The following CBLN4 variants were observed in gnomAD, a reference collection of about 807,000 sequenced individuals.
The protein encoded by CBLN4 is cerebellin-4.
Under a neutral mutation model 14.9 loss-of-function variants are expected in CBLN4, and 7 were observed. That is an observed-to-expected ratio of 0.47 (90% CI 0.27 to 0.88). The LOEUF is 0.88. CBLN4 is among the 40% of genes least tolerant of loss of function. The pLI is 0.14. For missense variants in CBLN4, 188 were observed against 256.8 expected (o/e 0.73, Z 1.83); for synonymous variants, 131 against 116.5 (o/e 1.12, Z -0.80).
At chr20:56,002,520 G>A (rs1986391560) in intron 1 of CBLN4, among the ~76,000 whole-genome samples, 1 of 152,168 alleles carries the variant, frequency 6.6e-6, no homozygotes, top group Non-Finnish European at 1.5e-5. Flanking sequence ...CTGAAAAGAA[G>A]AACAAACCCT....
At chr20:55,998,855 A>G in intron 2 of CBLN4, 101 bp from the exon 3 acceptor site, 1 of 864,430 alleles carries the variant, frequency 1.2e-6, no homozygotes, top group Non-Finnish European at 1.8e-6. Context: ...CCAGTAAAAT[A>G]CCTGATGTTC....
Position 56,004,294 on chromosome 20 carries a change from G to C in CBLN4, c.-123C>G. On this transcript the variant is annotated 5_prime_UTR_variant, in exon 1 of 3. Transcript: ENST00000064571. This position sits in a 1 kb window ranked among gnomAD's most constrained non-coding sequence, Gnocchi z 6.1. ...AGGTCGACAGCGCTGCAGGAGCGAC[G>C]GCGGCGGCGGCGCGCACACTTCCAC... 1 of 946,688 alleles carries C rather than the reference G, an allele frequency of 1.1e-6. No individual in the cohort carries two copies. The highest frequency in any genetic ancestry group is 2.2e-5 in the South Asian group (1 of 45,414). The allele number at this position is 946,688 out of a possible 1,614,324, so 58.6% of individuals were successfully genotyped here. A position where few individuals can be genotyped will look rare whatever the true frequency, so the allele number is the denominator to read the frequency against.
chr20:56,000,821 G>A lies in CBLN4; in HGVS notation c.318C>T (p.Phe106=). ...GTGCTACAAAGACAGACTCCAATGT[G>A]AAAAAATTACCCACATTCACCAGGA... ...DQILVNVGNF[F]TLESVFVAPR... The change falls in exon 2 of 3, where the codon TTC becomes TTT. Residue 106 remains phenylalanine (F), a synonymous_variant. Coordinates refer to ENST00000064571, the MANE Select transcript of CBLN4 (RefSeq NM_080617.6). 6.3e-7 allele frequency: 1 copy of A among 1,580,618 alleles called. No individual in the cohort carries two copies. The highest frequency in any genetic ancestry group is 1.2e-5 in the South Asian group (1 of 84,184).
Position 56,004,144 on chromosome 20 carries a change from C to G in CBLN4, c.28G>C (p.Ala10Pro). Residue 10 changes from alanine to proline, a missense_variant, in exon 1 of 3, where the codon GCG (alanine) becomes CCG (proline). Physicochemically the swap from Ala to Pro is conservative, Grantham distance 27 (BLOSUM62 -1). This residue lies in a region of CBLN4 where 95 missense variants were observed against 99.2 expected (regional missense o/e 0.96). Transcript: ENST00000064571. The surrounding 1 kb of genome is among the most constrained non-coding windows in gnomAD (Gnocchi z 6.1). ...AGGACCAGCAGCACGGCCGGCACCG[C>G]GGACAGCGCCCGGCGCCCGGAGCCC... MGSGRRALS[A>P]VPAVLLVLTL... 1 of 1,562,262 alleles carries G rather than the reference C, an allele frequency of 6.4e-7. No individual in the cohort carries two copies. Among genetic ancestry groups the G allele is most frequent in the Non-Finnish European group, 8.6e-7 (1 of 1,158,402 alleles).
rs559509698 is a variant in CBLN4 at position 55,997,361 on chromosome 20, G to T, written c.*1196C>A. On this transcript the variant is annotated 3_prime_UTR_variant, in exon 3 of 3. Coordinates refer to ENST00000064571, the MANE Select transcript of CBLN4 (RefSeq NM_080617.6). ...AAAAGGAGCAAAGAAGGAAGAAAGG[G>T]TTAAGAAGAGACAAAGTAAGAGGAA... 6.6e-5 allele frequency: 10 copies of T among 152,384 alleles called. No individual in the cohort carries two copies. In the South Asian group the frequency reaches 2.1e-3, roughly 32 times the overall value. 9.4% of individuals were successfully genotyped at this position (152,384 alleles called of 1,614,324 possible).
Position 56,000,719 on chromosome 20 carries a change from C to T in CBLN4, c.408+12G>A. 6.9e-7 allele frequency: 1 copy of T among 1,458,720 alleles called. No individual in the cohort carries two copies. The highest frequency in any genetic ancestry group is 9.4e-7 in the Non-Finnish European group (1 of 1,069,044). The allele number at this position is 1,458,720 out of a possible 1,614,324, so 90.4% of individuals were successfully genotyped here. On this transcript the variant is annotated intron_variant, in intron 2 of 2. Coordinates refer to ENST00000064571, the MANE Select transcript of CBLN4 (RefSeq NM_080617.6). ...GGTTGAGAGTATGGATGGAAGAGGT[C>T]AAAACACACACCTGGATAGTTTGGC...
In CBLN4 at chr20:55,998,516, G is replaced by C; in HGVS notation, c.*41C>G. On this transcript the variant is annotated 3_prime_UTR_variant, in exon 3 of 3. Transcript: ENST00000064571. ...TGATCTTCCAATAACTCAGGAGTGG[G>C]TCATCCCTCACCTGGATGAACATCA... is the stretch of plus-strand genomic sequence containing the variant. 2.5e-6 allele frequency: 4 copies of C among 1,605,774 alleles called. No individual in the cohort carries two copies. Among genetic ancestry groups the C allele is most frequent in the Non-Finnish European group, 2.6e-6 (3 of 1,172,748 alleles).
rs1986356189 is a variant in CBLN4, at chr20:56,000,860, A to G, written c.292-13T>C. On this transcript the variant is annotated splice_polypyrimidine_tract_variant and intron_variant, in intron 1 of 2. Transcript: ENST00000064571. ...CATTCACCAGGATCTACAAATAAAA[A>G]TAATAAATAACAATAAGTTATTATA... 3 of 1,363,520 alleles carry G rather than the reference A, an allele frequency of 2.2e-6. No homozygotes were observed. The highest frequency in any genetic ancestry group is 3.0e-5 in the African/African-American group (2 of 67,234). 84.5% of individuals were successfully genotyped at this position (1,363,520 alleles called of 1,614,324 possible).
At position 56,004,020 on chromosome 20, in the gene CBLN4, T is replaced by G; in HGVS notation, c.152A>C (p.Asp51Ala). 1 of 1,613,668 alleles carries G rather than the reference T, an allele frequency of 6.2e-7. No individual in the cohort carries two copies. ...LVVCDSNPAT[D>A]SKGSSSSPLG... ...CGGGGAGGAAGAGGAGCCCTTGGAG[T>G]CCGTGGCCGGGTTCGAGTCGCACAC... The change falls in exon 1 of 3, where the codon GAC becomes GCC. Residue 51 changes from aspartate to alanine, a missense_variant. Coordinates refer to ENST00000064571, the MANE Select transcript of CBLN4 (RefSeq NM_080617.6). This position sits in a 1 kb window ranked among gnomAD's most constrained non-coding sequence, Gnocchi z 6.1.
chr20:56,005,192 C>G lies in CBLN4; in HGVS notation c.-1021G>C, dbSNP rs1046569173. On this transcript the variant is annotated 5_prime_UTR_variant, in exon 1 of 3. Transcript: ENST00000064571. The stretch of plus-strand genomic sequence containing the variant: ...CGAGGCCCCTCAGCCCCTGAAAGCC[C>G]GTGGCGTAAAGGATGCGTGCCCAGA... 1 of 152,846 alleles carries G rather than the reference C, an allele frequency of 6.5e-6. No individual in the cohort carries two copies. Among genetic ancestry groups the G allele is most frequent in the Non-Finnish European group, 1.5e-5 (1 of 68,558 alleles). The allele number at this position is 152,846 out of a possible 1,614,324, so 9.5% of individuals were successfully genotyped here.
rs1452495394 is a variant in CBLN4, at chr20:55,998,610, C to T, written c.553G>A (p.Val185Ile). ...VYLKLEKGNL[V>I]GGWQYSTFSG... ...AACGTGGAATACTGCCAGCCTCCAA[C>T]CAAATTACCTTTCTCCAGTTTTAGG... The change falls in exon 3 of 3, where the codon GTT becomes ATT. Residue 185 changes from valine to isoleucine, a missense_variant. Coordinates refer to ENST00000064571, the MANE Select transcript of CBLN4 (RefSeq NM_080617.6). 1 of 1,614,126 alleles carries T rather than the reference C, an allele frequency of 6.2e-7. No homozygotes were observed. Among genetic ancestry groups the T allele is most frequent in the Admixed American group, 1.7e-5 (1 of 60,020 alleles).
Position 56,004,145 on chromosome 20 carries a change from G to A in CBLN4, c.27C>T (p.Ser9=). The change falls in exon 1 of 3, where the codon TCC becomes TCT. Residue 9 remains serine, a synonymous_variant. Transcript: ENST00000064571. The surrounding 1 kb of genome is among the most constrained non-coding windows in gnomAD (Gnocchi z 6.1). Reference sequence around the variant, plus strand: ...GGACCAGCAGCACGGCCGGCACCGCGGACAGCGCCCGGCGCCCGGAGCCCA... The same window carrying A: ...GGACCAGCAGCACGGCCGGCACCGCAGACAGCGCCCGGCGCCCGGAGCCCA... MGSGRRAL[S]AVPAVLLVLT... 6.4e-7 allele frequency: 1 copy of A among 1,562,414 alleles called. No individual in the cohort carries two copies. Among genetic ancestry groups the A allele is most frequent in the Non-Finnish European group, 8.6e-7 (1 of 1,158,426 alleles).
rs1986449756 is a variant in CBLN4 at position 56,005,280 on chromosome 20, T to C, written c.-1109A>G. 6.6e-6 allele frequency: 1 copy of C among 152,102 alleles called. No homozygotes were observed. The allele number at this position is 152,102 out of a possible 1,614,324, so 9.4% of individuals were successfully genotyped here. On this transcript the variant is annotated 5_prime_UTR_variant, in exon 1 of 3. Coordinates refer to ENST00000064571, the MANE Select transcript of CBLN4 (RefSeq NM_080617.6). ...CCCACTCTCTCCTGCTCGATCTGAG[T>C]CCGCAGAGGAGGCGGCTGGTCCCCT...
At position 55,998,469 on chromosome 20, in the gene CBLN4, C is replaced by T; in HGVS notation, c.*88G>A. ...CCACCCATGAGAAACCAATAAAAGA[C>T]ATCAATCCAATGATGAAAAAATGAT... is the stretch of plus-strand genomic sequence containing the variant. On this transcript the variant is annotated 3_prime_UTR_variant, in exon 3 of 3. Transcript: ENST00000064571. 4 of 1,443,458 alleles carry T rather than the reference C, an allele frequency of 2.8e-6. No individual in the cohort carries two copies. The highest frequency in any genetic ancestry group is 3.8e-6 in the Non-Finnish European group (4 of 1,040,186). The allele number at this position is 1,443,458 out of a possible 1,614,324, so 89.4% of individuals were successfully genotyped here.
intron 2 of CBLN4, 87 bp downstream of exon 2, chr20:56,000,644 A>G (rs1986352374): frequency 1.9e-6 from 1 of 536,748 alleles, no homozygotes; most frequent in African/African-American, 1.9e-5. Flanking sequence ...GTGGAAACAC[A>G]ACTTTGGATA....
In CBLN4 at chr20:56,002,557, C is replaced by A. The variant is rs149040665; in HGVS notation, c.291+1324G>T. 3.9e-5 allele frequency among the ~76,000 whole-genome samples: 6 copies of A among 152,278 alleles called. No individual in the cohort carries two copies. In the East Asian group the frequency reaches 5.8e-4, roughly 15 times the overall value. On this transcript the variant is annotated intron_variant, in intron 1 of 2. Coordinates refer to ENST00000064571, the MANE Select transcript of CBLN4 (RefSeq NM_080617.6). ...TTCCTCTTCTAATTGATGGAAAGGTCATTGAAAGGAACACCCTGTATAGAG... is the reference window on the plus strand; with the variant it reads ...TTCCTCTTCTAATTGATGGAAAGGTAATTGAAAGGAACACCCTGTATAGAG...
rs1185828780 is a variant in CBLN4, at chr20:55,997,850, T to C, written c.*707A>G. On this transcript the variant is annotated 3_prime_UTR_variant, in exon 3 of 3. Transcript: ENST00000064571. Reference sequence around the variant, plus strand: ...CTTAGATTTTGGGTAAGCAACTTTTTCCTTGTCAGATTTATGATCTATTCT... The same window carrying C: ...CTTAGATTTTGGGTAAGCAACTTTTCCCTTGTCAGATTTATGATCTATTCT... 1 of 152,660 alleles carries C rather than the reference T, an allele frequency of 6.6e-6. No individual in the cohort carries two copies. Among genetic ancestry groups the C allele is most frequent in the African/African-American group, 2.4e-5 (1 of 41,466 alleles). The allele number at this position is 152,660 out of a possible 1,614,324, so 9.5% of individuals were successfully genotyped here.
Position 56,000,866 on chromosome 20 carries a change from A to C in CBLN4, c.292-19T>G. On this transcript the variant is annotated intron_variant, in intron 1 of 2. Coordinates refer to ENST00000064571, the MANE Select transcript of CBLN4 (RefSeq NM_080617.6). ...CCAGGATCTACAAATAAAAATAATA[A>C]ATAACAATAAGTTATTATATTTTCT... The C allele has an allele frequency of 7.7e-7, 1 of 1,304,174 alleles. No individual in the cohort carries two copies. The highest frequency in any genetic ancestry group is 1.1e-6 in the Non-Finnish European group (1 of 943,170). 80.8% of individuals were successfully genotyped at this position (1,304,174 alleles called of 1,614,324 possible).
At chr20:55,999,824 T>A (rs1008839395) in intron 2 of CBLN4, among the ~76,000 whole-genome samples, 2 of 152,190 alleles carry the variant, frequency 1.3e-5, no homozygotes, top group African/African-American at 2.4e-5. Flanking sequence ...TTCTAAATAT[T>A]GGGGGTTGGG....
Sources: gnomAD v4.1 joint callset for allele counts (sites outside exome capture counted in the v4.1 genomes callset) on GRCh38, gnomAD v4.1.1 for gene constraint, gnomAD v4.1.1 regional missense constraint, Gnocchi (gnomAD v3.1) non-coding constraint, MANE v1.5 for transcripts, NCBI Gene and HGNC (gene_info 2026-07-23, HGNC 2026-07-21) for gene names.